Variants in ADAMTS20 observed in about 807,000 individuals in gnomAD.
ADAMTS20 encodes ADAM metallopeptidase with thrombospondin type 1 motif 20, also known as A disintegrin and metalloproteinase with thrombospondin motifs 20.
ADAMTS20 carries 225 observed loss-of-function variants against 260.1 expected under a neutral mutation model. That is an observed-to-expected ratio of 0.87 (90% CI 0.78 to 0.97). The LOEUF (loss-of-function observed/expected upper bound fraction) is 0.97. Ranked by LOEUF, ADAMTS20 falls within the 50% of genes least tolerant of loss-of-function variation. The pLI is 0.00. For missense variants in ADAMTS20, 2,400 were observed against 2,337.7 expected (o/e 1.03, Z -0.55); for synonymous variants, 802 against 769.5 (o/e 1.04, Z -0.70).
chr12:43,550,568 G>A (rs534283179), intron 2 of ADAMTS20, among the ~76,000 whole-genome samples: 21 of 152,228 alleles, frequency 1.4e-4, no homozygotes, highest in South Asian at 6.2e-4. Flanking sequence ...ACCACGAAAG[G>A]GTACATCTGA....
intron 3 of ADAMTS20, among the ~76,000 whole-genome samples, chr12:43,511,565 G>A (rs1409245456): frequency 6.6e-6 from 1 of 151,934 alleles, no homozygotes; most frequent in East Asian, 1.9e-4. Flanking sequence ...AGTGAGAGAG[G>A]GAAATGAAAG....
chr12:43,513,673 A>T (rs1942955820), intron 3 of ADAMTS20, among the ~76,000 whole-genome samples: 1 of 152,168 alleles, frequency 6.6e-6, no homozygotes, highest in South Asian at 2.1e-4. Flanking sequence ...AATGTCCAAC[A>T]ATGATAGACT....
chr12:43,517,949 A>C (rs1316976618), intron 3 of ADAMTS20, among the ~76,000 whole-genome samples: 2 of 152,096 alleles, frequency 1.3e-5, no homozygotes, highest in African/African-American at 4.8e-5. Flanking sequence ...TTACAAGATA[A>C]GGTTTTACTA....
At chr12:43,359,493 G>A (rs1012183752) in intron 37 of ADAMTS20, among the ~76,000 whole-genome samples, 11 of 152,002 alleles carry the variant, frequency 7.2e-5, no homozygotes, top group African/African-American at 2.4e-4. Context: ...TTGTACATAC[G>A]GAGAGTTGAT....
chr12:43,423,606 A>G, intron 28 of ADAMTS20: 2 of 626,632 alleles, frequency 3.2e-6, no homozygotes, highest in Non-Finnish European at 5.6e-6. Flanking sequence ...CTTGCAAACT[A>G]AAACCAATAA....
At position 43,486,965 on chromosome 12, in the gene ADAMTS20, A is replaced by C. The variant is rs1282801518; in HGVS notation, c.1117+3430T>G. Reference sequence around the variant, plus strand: ...TGTGGTAAAAAAGAAATGCAAGTACACTGCTGATAACAATGTAAGTTAGTA... The same window carrying C: ...TGTGGTAAAAAAGAAATGCAAGTACCCTGCTGATAACAATGTAAGTTAGTA... On this transcript the variant is annotated intron_variant, in intron 7 of 38. Coordinates refer to ENST00000389420, the MANE Select transcript of ADAMTS20 (RefSeq NM_025003.5). Among the ~76,000 whole-genome samples the C allele has an allele frequency of 3.9e-5, 6 of 152,216 alleles. No individual in the cohort carries two copies. In the East Asian group the frequency reaches 1.2e-3, roughly 29 times the overall value.
At chr12:43,432,223 T>C in intron 21 of ADAMTS20, 81 bp downstream of exon 21, 2 of 1,419,198 alleles carry the variant, frequency 1.4e-6, no homozygotes, top group South Asian at 1.4e-5. Context: ...TTAAGCACTT[T>C]TAAATTTTGT....
chr12:43,416,601 G>T (rs1941135444), intron 28 of ADAMTS20, among the ~76,000 whole-genome samples: 1 of 147,274 alleles, frequency 6.8e-6, no homozygotes, highest in Admixed American at 6.9e-5. Flanking sequence ...TCGGCTCACT[G>T]CAAGCTCCGC....
chr12:43,409,662 C>T (rs1940995943), intron 28 of ADAMTS20, among the ~76,000 whole-genome samples: 1 of 144,560 alleles, frequency 6.9e-6, no homozygotes, highest in Non-Finnish European at 1.5e-5. Context: ...CCAAGAATCC[C>T]AATATTTAAC....
At position 43,427,421 on chromosome 12, in the gene ADAMTS20, G is replaced by C; in HGVS notation, c.3994C>G (p.Gln1332Glu). The stretch of plus-strand genomic sequence containing the variant: ...CTAGCACTTTGTCCATTTTCATCCT[G>C]GCAGACCACAGCCCTATGCTGAAGA... Reference protein sequence around the residue: ...GGLQHRAVVCQDENGQSASYC... With the variant: ...GGLQHRAVVCEDENGQSASYC... The change falls in exon 27 of 39, where the codon CAG becomes GAG. Residue 1332 changes from glutamine (Q) to glutamate (E), a missense_variant. Transcript: ENST00000389420. 6 of 1,613,714 alleles carry C rather than the reference G, an allele frequency of 3.7e-6. No homozygotes were observed. The highest frequency in any genetic ancestry group is 5.1e-6 in the Non-Finnish European group (6 of 1,179,786).
chr12:43,528,213 A>G (rs115186029), intron 3 of ADAMTS20, among the ~76,000 whole-genome samples: 2,273 of 152,052 alleles, frequency 0.015, 52 homozygotes, highest in African/African-American at 0.051. Context: ...ACAGAAATAC[A>G]TCCCATGCTC....
chr12:43,543,496 G>T (rs765283450), intron 2 of ADAMTS20, among the ~76,000 whole-genome samples: 3 of 152,100 alleles, frequency 2.0e-5, no homozygotes, highest in African/African-American at 7.2e-5. Flanking sequence ...ATACTTGGCT[G>T]GTAGCTGAAG....
At chr12:43,502,682 C>G (rs1005690438) in intron 3 of ADAMTS20, among the ~76,000 whole-genome samples, 1 of 151,882 alleles carries the variant, frequency 6.6e-6, no homozygotes, top group African/African-American at 2.4e-5. Context: ...GAAGGTATGA[C>G]GATTCAAAAG....
At chr12:43,407,377 G>A (rs945048550) in intron 28 of ADAMTS20, among the ~76,000 whole-genome samples, 3 of 151,386 alleles carry the variant, frequency 2.0e-5, no homozygotes, top group African/African-American at 7.3e-5. Context: ...GTACATGTAT[G>A]TACACTCATA....
intron 14 of ADAMTS20, among the ~76,000 whole-genome samples, chr12:43,449,526 T>A (rs1941826063): frequency 1.3e-5 from 2 of 152,120 alleles, no homozygotes; most frequent in African/African-American, 2.4e-5. Context: ...AAAAAGTAAC[T>A]ATTGGATACT....
intron 2 of ADAMTS20, among the ~76,000 whole-genome samples, chr12:43,541,594 G>C (rs1451061977): frequency 6.6e-6 from 1 of 152,086 alleles, no homozygotes; most frequent in Non-Finnish European, 1.5e-5. Flanking sequence ...AAGTAAAAAT[G>C]TAAAAAGTTT....
intron 29 of ADAMTS20, among the ~76,000 whole-genome samples, chr12:43,392,483 C>G (rs1170284817): frequency 6.6e-6 from 1 of 151,846 alleles, no homozygotes; most frequent in East Asian, 1.9e-4. Flanking sequence ...CGATATGAAC[C>G]TCTTCTCTAA....
chr12:43,471,936 C>A (rs1942270400), intron 7 of ADAMTS20, among the ~76,000 whole-genome samples: 1 of 148,534 alleles, frequency 6.7e-6, no homozygotes, highest in Non-Finnish European at 1.5e-5. Context: ...CGCCTCTCCT[C>A]CTCCAAAGGA....
chr12:43,435,892 T>C (rs1473366414), intron 18 of ADAMTS20, among the ~76,000 whole-genome samples: 4 of 152,090 alleles, frequency 2.6e-5, no homozygotes, highest in African/African-American at 7.2e-5. Context: ...TTGAACTTTA[T>C]GCTTTCTGCA....
Sources: allele counts gnomAD v4.1 joint callset (sites outside exome capture counted in the v4.1 genomes callset), GRCh38; gene constraint gnomAD v4.1.1; transcripts MANE v1.5; gene names NCBI Gene and HGNC (gene_info 2026-07-23, HGNC 2026-07-21).